The following PTGR3 variants were observed in gnomAD, a reference collection of about 807,000 sequenced individuals.
PTGR3 encodes the protein prostaglandin reductase 3.
chr18:75,202,429 G>T, the PTGR3 span: 2 of 1,223,324 alleles, frequency 1.6e-6, no homozygotes, highest in South Asian at 3.0e-5. Context: ...TAGTTCTGGC[G>T]ACCCTGGAGG....
chr18:75,202,965 G>A, the PTGR3 span, among the ~76,000 whole-genome samples: 5 of 152,186 alleles, frequency 3.3e-5, no homozygotes, highest in African/African-American at 7.2e-5. Flanking sequence ...AGTGGCTGTC[G>A]CAAATTTTCT....
the PTGR3 span, chr18:75,205,628 A>C: frequency 2.7e-6 from 1 of 376,914 alleles, no homozygotes; most frequent in Non-Finnish European, 3.7e-6. Flanking sequence ...TTTCCTCTGA[A>C]CAAAAACCAA....
chr18:75,204,655 G>A, the PTGR3 span, among the ~76,000 whole-genome samples: 1 of 152,104 alleles, frequency 6.6e-6, no homozygotes, highest in Non-Finnish European at 1.5e-5. Context: ...ACCACGGAGA[G>A]GGGATTCATT....
chr18:75,198,321 T>C, the PTGR3 span: 1 of 152,346 alleles, frequency 6.6e-6, no homozygotes, highest in African/African-American at 2.4e-5. Context: ...AAGTACATAA[T>C]GCAGGATTTT....
chr18:75,201,375 C>G, the PTGR3 span: 2 of 1,508,372 alleles, frequency 1.3e-6, no homozygotes, highest in South Asian at 1.2e-5. Context: ...ACATAAAGTG[C>G]CCATTTTCTT....
chr18:75,207,784 C>T, the PTGR3 span, among the ~76,000 whole-genome samples: 2 of 152,222 alleles, frequency 1.3e-5, no homozygotes, highest in African/African-American at 2.4e-5. Flanking sequence ...TAGGAAGGTA[C>T]ATTTTGTCCT....
At chr18:75,207,953 AGAG>A in the PTGR3 span, among the ~76,000 whole-genome samples, 1 of 152,212 alleles carries the variant, frequency 6.6e-6, no homozygotes, top group Admixed American at 6.5e-5. Context: ...CAGAGGGCAT[AGAG>A]GAGCGCCTTG....
At chr18:75,202,410 A>G in the PTGR3 span, 1 of 1,470,872 alleles carries the variant, frequency 6.8e-7, no homozygotes, top group East Asian at 2.3e-5. Flanking sequence ...CTGCTTAGAG[A>G]AATTCCTCTA....
chr18:75,199,176 A>G, the PTGR3 span: 1 of 152,638 alleles, frequency 6.6e-6, no homozygotes, highest in South Asian at 2.1e-4. Flanking sequence ...TTATTTTTAC[A>G]TAGCTGCATT....
At chr18:75,202,266 T>C in the PTGR3 span, 1 of 1,614,010 alleles carries the variant, frequency 6.2e-7, no homozygotes, top group African/African-American at 1.3e-5. Context: ...GAAACCTATG[T>C]CAAAGGGAGG....
the PTGR3 span, among the ~76,000 whole-genome samples, chr18:75,203,432 T>A: frequency 2.0e-5 from 3 of 152,174 alleles, no homozygotes. Context: ...TAATTTAACT[T>A]AATAAGCCAA....
At chr18:75,208,488 T>C in the PTGR3 span, 1 of 1,031,866 alleles carries the variant, frequency 9.7e-7, no homozygotes, top group Non-Finnish European at 1.2e-6. Context: ...GCAGGAACTG[T>C]GGGTGCGCGC....
chr18:75,209,030 C>G, the PTGR3 span: 3 of 1,569,476 alleles, frequency 1.9e-6, no homozygotes, highest in East Asian at 2.5e-5. The surrounding 1 kb of genome is among the most constrained non-coding windows in gnomAD (Gnocchi z 4.7). Context: ...CACGATGGCC[C>G]GGGCCCCGGT....
At chr18:75,202,115 T>C in the PTGR3 span, 3 of 1,614,124 alleles carry the variant, frequency 1.9e-6, no homozygotes, top group Non-Finnish European at 2.5e-6. Context: ...CGGGTTTCAC[T>C]GAGGGCACTG....
At chr18:75,200,768 T>G in the PTGR3 span, 2 of 152,254 alleles carry the variant, frequency 1.3e-5, no homozygotes, top group Non-Finnish European at 1.5e-5. Context: ...CCATTTCACA[T>G]GTGCCTTATC....
At chr18:75,202,554 T>G in the PTGR3 span, among the ~76,000 whole-genome samples, 11 of 152,254 alleles carry the variant, frequency 7.2e-5, no homozygotes, top group East Asian at 2.1e-3. Context: ...TTTTGGCATA[T>G]TTTTTCCTTT....
the PTGR3 span, among the ~76,000 whole-genome samples, chr18:75,204,902 C>A: frequency 6.6e-6 from 1 of 152,206 alleles, no homozygotes; most frequent in East Asian, 1.9e-4. Context: ...CAGACAGGGC[C>A]CGCCGGCGGC....
chr18:75,203,386 A>G, the PTGR3 span, among the ~76,000 whole-genome samples: 1 of 152,348 alleles, frequency 6.6e-6, no homozygotes, highest in East Asian at 1.9e-4. Flanking sequence ...GGAGGAGGAA[A>G]GCCGTTAAGC....
the PTGR3 span, among the ~76,000 whole-genome samples, chr18:75,207,328 A>G: frequency 6.6e-6 from 1 of 152,230 alleles, no homozygotes; most frequent in Non-Finnish European, 1.5e-5. Context: ...AAGGAGAAAA[A>G]GGGAAAAACC....
Sources: gnomAD v4.1 joint callset for allele counts (sites outside exome capture counted in the v4.1 genomes callset) on GRCh38, gnomAD v4.1.1 for gene constraint, Gnocchi (gnomAD v3.1) non-coding constraint, MANE v1.5 for transcripts, NCBI Gene and HGNC (gene_info 2026-07-23, HGNC 2026-07-21) for gene names.